Variants in TNPO2 observed in about 807,000 individuals in gnomAD.
TNPO2 encodes transportin-2.
Under a neutral mutation model 111.1 loss-of-function variants are expected in TNPO2, and 16 were observed. That is an observed-to-expected ratio of 0.14 (90% CI 0.10 to 0.22). TNPO2 has a LOEUF of 0.22. Ranked by LOEUF, TNPO2 falls within the 10% of genes least tolerant of loss-of-function variation. The probability of loss-of-function intolerance (pLI) is 1.00; values close to 1 mark genes in which losing one functional copy is unlikely to be tolerated. For missense variants in TNPO2, 530 were observed against 1,173.7 expected (o/e 0.45, Z 8.01); for synonymous variants, 481 against 475.8 (o/e 1.01, Z -0.14).
At chr19:12,722,435 G>T (rs1967043457) in intron 2 of TNPO2, 1 of 150,840 alleles carries the variant, frequency 6.6e-6, no homozygotes, top group African/African-American at 2.4e-5. Context: ...GTCGACGCAA[G>T]CCGGGGCCAA....
chr19:12,709,423 TATA>T (rs1287780034), intron 13 of TNPO2, among the ~76,000 whole-genome samples: 2 of 152,100 alleles, frequency 1.3e-5, no homozygotes, highest in African/African-American at 4.8e-5. Flanking sequence ...TATTGTGTGA[TATA>T]TACCCTATTA....
At position 12,702,116 on chromosome 19, in the gene TNPO2, G is replaced by A. The variant is rs1467456127; in HGVS notation, c.2367C>T (p.Cys789=). 1.9e-6 allele frequency: 3 copies of A among 1,613,450 alleles called. No homozygotes were observed. Among genetic ancestry groups the A allele is most frequent in the East Asian group, 4.5e-5 (2 of 44,878 alleles). The change falls in exon 22 of 26, where the codon TGC becomes TGT. Residue 789 remains cysteine (C), a synonymous_variant. Transcript: ENST00000425528. This position sits in a 1 kb window ranked among gnomAD's most constrained non-coding sequence, Gnocchi z 5.5. ...AITIGRLGYV[C]PQEVAPMLQQ... ...GCAGCATGGGTGCCACCTCCTGGGG[G>A]CACACGTAGCCCAAGCGGCCGATGG...
At chr19:12,703,608 C>T (rs753327058) in intron 19 of TNPO2, 82 bp from the exon 20 acceptor site, 1 of 1,571,932 alleles carries the variant, frequency 6.4e-7, no homozygotes, top group East Asian at 2.2e-5. Context: ...CCCCATCAGA[C>T]AGTACGAATA....
In TNPO2 at chr19:12,701,323, T is replaced by G. The variant is rs766960714; in HGVS notation, c.*20+3A>C. On this transcript the variant is annotated splice_donor_region_variant and intron_variant, in intron 25 of 25. Transcript: ENST00000425528. This position sits in a 1 kb window ranked among gnomAD's most constrained non-coding sequence, Gnocchi z 5.0. ...GCTGACTTGCCAGCTGCAGTCTCCT[T>G]ACCTGGCAGTCTCCATGATCACCTA... 1.9e-6 allele frequency: 3 copies of G among 1,593,312 alleles called. No homozygotes were observed. Among genetic ancestry groups the G allele is most frequent in the Non-Finnish European group, 2.6e-6 (3 of 1,161,946 alleles).
In TNPO2 at chr19:12,715,583, G is replaced by A. The variant is rs2145583486; in HGVS notation, c.433-45C>T. 1 of 1,613,518 alleles carries A rather than the reference G, an allele frequency of 6.2e-7. No individual in the cohort carries two copies. Among genetic ancestry groups the A allele is most frequent in the East Asian group, 2.2e-5 (1 of 44,872 alleles). Reference sequence around the variant, plus strand: ...GAGACAAACGTGGGTGGTGGGTGGTGGTCCCAGCCCCCCAGTACTCGCTCT... The same window carrying A: ...GAGACAAACGTGGGTGGTGGGTGGTAGTCCCAGCCCCCCAGTACTCGCTCT... On this transcript the variant is annotated intron_variant, in intron 6 of 25. Transcript: ENST00000425528. This position sits in a 1 kb window ranked among gnomAD's most constrained non-coding sequence, Gnocchi z 7.1.
rs1401576195 is a variant in TNPO2, at chr19:12,706,809, G to A, written c.1271-14C>T. 1.3e-6 allele frequency: 2 copies of A among 1,587,086 alleles called. No homozygotes were observed. The highest frequency in any genetic ancestry group is 2.3e-5 in the East Asian group (1 of 43,188). ...CCTGCATGCAGCCTACAAGGAAAGG[G>A]AACCAAGAGGGGGCAGTTTGATTGG... On this transcript the variant is annotated splice_polypyrimidine_tract_variant and intron_variant, in intron 13 of 25. Coordinates refer to ENST00000425528, the MANE Select transcript of TNPO2 (RefSeq NM_001382241.1). This position sits in a 1 kb window ranked among gnomAD's most constrained non-coding sequence, Gnocchi z 7.0.
chr19:12,703,240 A>G (rs2025433161), intron 20 of TNPO2, among the ~76,000 whole-genome samples, 188 bp downstream of exon 20: 1 of 152,142 alleles, frequency 6.6e-6, no homozygotes, highest in South Asian at 2.1e-4. Context: ...AAACGGTCCA[A>G]TCAGAACAGC....
At chr19:12,708,427 C>T (rs1444405398) in intron 13 of TNPO2, among the ~76,000 whole-genome samples, 2 of 148,482 alleles carry the variant, frequency 1.3e-5, no homozygotes, top group Admixed American at 1.4e-4. Context: ...CCACCACACC[C>T]AGGGTTTTTT....
Position 12,701,164 on chromosome 19 carries a change from C to T in TNPO2, c.*100G>A, listed in dbSNP as rs914798905. The T allele has an allele frequency of 5.3e-6, 3 of 565,220 alleles. No homozygotes were observed. Among genetic ancestry groups the T allele is most frequent in the African/African-American group, 3.8e-5 (2 of 53,114 alleles). 35.0% of individuals were successfully genotyped at this position (565,220 alleles called of 1,614,324 possible). On this transcript the variant is annotated 3_prime_UTR_variant, in exon 26 of 26. Coordinates refer to ENST00000425528, the MANE Select transcript of TNPO2 (RefSeq NM_001382241.1). This position sits in a 1 kb window ranked among gnomAD's most constrained non-coding sequence, Gnocchi z 5.0. The stretch of plus-strand genomic sequence containing the variant: ...TTGAGTCCCACTCACTCCTCCCTAA[C>T]CCCCCTCAACCAGGGCACAGCGACT...
chr19:12,705,168 G>C lies in TNPO2; in HGVS notation c.2022+72C>G. The C allele has an allele frequency of 6.8e-7, 1 of 1,463,080 alleles. No individual in the cohort carries two copies. The highest frequency in any genetic ancestry group is 9.3e-7 in the Non-Finnish European group (1 of 1,071,456). The allele number at this position is 1,463,080 out of a possible 1,614,324, so 90.6% of individuals were successfully genotyped here. A position where few individuals can be genotyped will look rare whatever the true frequency, so the allele number is the denominator to read the frequency against. On this transcript the variant is annotated intron_variant, in intron 18 of 25. Transcript: ENST00000425528. The surrounding 1 kb of genome is among the most constrained non-coding windows in gnomAD (Gnocchi z 7.2). Reference sequence around the variant, plus strand: ...CCCTGATTTCCTTTGGGCACAACCAGGCCCTGACTCCCCACCAGGGGCAGC... The same window carrying C: ...CCCTGATTTCCTTTGGGCACAACCACGCCCTGACTCCCCACCAGGGGCAGC...
intron 13 of TNPO2, among the ~76,000 whole-genome samples, chr19:12,707,479 CTTTTTTTTTTTTTTTTTT>C (rs56817777): frequency 1.3e-5 from 1 of 74,962 alleles, no homozygotes; most frequent in Non-Finnish European, 2.6e-5. Context: ...TGTGAGTTTT[CTTTTTTTTTTTTTTTTTT>C]TTTTTTTTTT....
chr19:12,701,050 T>G lies in TNPO2; in HGVS notation c.*214A>C. 1 of 331,714 alleles carries G rather than the reference T, an allele frequency of 3.0e-6. No homozygotes were observed. The highest frequency in any genetic ancestry group is 5.6e-6 in the Non-Finnish European group (1 of 179,464). The allele number at this position is 331,714 out of a possible 1,614,324, so 20.5% of individuals were successfully genotyped here. A position where few individuals can be genotyped will look rare whatever the true frequency, so the allele number is the denominator to read the frequency against. On this transcript the variant is annotated 3_prime_UTR_variant, in exon 26 of 26. Transcript: ENST00000425528. This position sits in a 1 kb window ranked among gnomAD's most constrained non-coding sequence, Gnocchi z 5.0. The stretch of plus-strand genomic sequence containing the variant: ...GAAGTCCCCCCCACCTCCCCGTTTG[T>G]AGGATGAGCATGGTGGCCCCACCCA...
rs1231174104 is a variant in TNPO2, at chr19:12,705,401, A to G, written c.1864-3T>C. 2 of 1,581,600 alleles carry G rather than the reference A, an allele frequency of 1.3e-6. No individual in the cohort carries two copies. The highest frequency in any genetic ancestry group is 2.7e-5 in the African/African-American group (2 of 74,188). On this transcript the variant is annotated splice_polypyrimidine_tract_variant and splice_region_variant and intron_variant, in intron 17 of 25. Transcript: ENST00000425528. This position sits in a 1 kb window ranked among gnomAD's most constrained non-coding sequence, Gnocchi z 7.2. ...TGCTCAGGGTGCTGGGTGTACATCT[A>G]GACACAGATGCCGACAGGGGCACGG... is the stretch of plus-strand genomic sequence containing the variant.
Position 12,715,457 on chromosome 19 carries a change from T to C in TNPO2, c.514A>G (p.Ile172Val). 3 of 1,613,774 alleles carry C rather than the reference T, an allele frequency of 1.9e-6. No individual in the cohort carries two copies. The South Asian group carries it at 3.3e-5, about 18-fold the overall frequency. The change falls in exon 7 of 26, where the codon ATC becomes GTC. Residue 172 changes from isoleucine to valine, a missense_variant. Physicochemically the swap from Ile to Val is conservative, Grantham distance 29 (BLOSUM62 3). Coordinates refer to ENST00000425528, the MANE Select transcript of TNPO2 (RefSeq NM_001382241.1). This position sits in a 1 kb window ranked among gnomAD's most constrained non-coding sequence, Gnocchi z 7.1. ...DSDALNRPLN[I>V]MIPKFLQFFK... ...AACTGCAGGAACTTGGGGATCATGA[T>C]GTTGAGGGGCCTGTTGAGGGCGTCA...
Position 12,705,834 on chromosome 19 carries a change from T to G in TNPO2, c.1669-66A>C, listed in dbSNP as rs1436789407. Reference sequence around the variant, plus strand: ...TGGCAGACTGTGACTCAGGTACCTGTTGCCCGAGTGATGAGGCCTGAGCGC... The same window carrying G: ...TGGCAGACTGTGACTCAGGTACCTGGTGCCCGAGTGATGAGGCCTGAGCGC... On this transcript the variant is annotated intron_variant, in intron 15 of 25. Transcript: ENST00000425528. This position sits in a 1 kb window ranked among gnomAD's most constrained non-coding sequence, Gnocchi z 7.2. The G allele has an allele frequency of 6.8e-6, 8 of 1,179,122 alleles. No homozygotes were observed. The highest frequency in any genetic ancestry group is 4.7e-5 in the African/African-American group (3 of 63,158). 73.0% of individuals were successfully genotyped at this position (1,179,122 alleles called of 1,614,324 possible).
chr19:12,719,411 A>C lies in TNPO2; in HGVS notation c.100-75T>G. On this transcript the variant is annotated intron_variant, in intron 3 of 25. Coordinates refer to ENST00000425528, the MANE Select transcript of TNPO2 (RefSeq NM_001382241.1). This position sits in a 1 kb window ranked among gnomAD's most constrained non-coding sequence, Gnocchi z 5.0. ...GTCCCCTCATTATGTACCTGACACT[A>C]TCTCTGACCACTGGGACCAGGCTGC... is the stretch of plus-strand genomic sequence containing the variant. 7.7e-7 allele frequency: 1 copy of C among 1,298,986 alleles called. No homozygotes were observed. The highest frequency in any genetic ancestry group is 2.4e-5 in the East Asian group (1 of 42,100). The allele number at this position is 1,298,986 out of a possible 1,614,324, so 80.5% of individuals were successfully genotyped here. A position where few individuals can be genotyped will look rare whatever the true frequency, so the allele number is the denominator to read the frequency against.
In TNPO2 at chr19:12,715,825, C is replaced by A; in HGVS notation, c.326-86G>T. 3 of 1,057,490 alleles carry A rather than the reference C, an allele frequency of 2.8e-6. No individual in the cohort carries two copies. The highest frequency in any genetic ancestry group is 2.6e-5 in the East Asian group (1 of 38,566). The allele number at this position is 1,057,490 out of a possible 1,614,324, so 65.5% of individuals were successfully genotyped here. A position where few individuals can be genotyped will look rare whatever the true frequency, so the allele number is the denominator to read the frequency against. On this transcript the variant is annotated intron_variant, in intron 5 of 25. Transcript: ENST00000425528. The surrounding 1 kb of genome is among the most constrained non-coding windows in gnomAD (Gnocchi z 7.1). Reference sequence around the variant, plus strand: ...CTCCCACTGGACACCCCCAGTGCTGCCTTTCTGTTCCCTAGCCCATGTACG... The same window carrying A: ...CTCCCACTGGACACCCCCAGTGCTGACTTTCTGTTCCCTAGCCCATGTACG...
chr19:12,713,837 G>C (rs1201379060), intron 10 of TNPO2, among the ~76,000 whole-genome samples: 7 of 152,144 alleles, frequency 4.6e-5, no homozygotes, highest in African/African-American at 7.2e-5. Context: ...AGACCAGCCA[G>C]AGCAACTTAG....
chr19:12,721,190 G>T lies in TNPO2; in HGVS notation c.-13-200C>A. ...CGGCCGCGCAGTCGCGGGCTCGGGA[G>T]CGCGGGAGGGGGGATGTGGAAACGG... is the stretch of plus-strand genomic sequence containing the variant. On this transcript the variant is annotated intron_variant, in intron 2 of 25. Coordinates refer to ENST00000425528, the MANE Select transcript of TNPO2 (RefSeq NM_001382241.1). This position sits in a 1 kb window ranked among gnomAD's most constrained non-coding sequence, Gnocchi z 4.9. The T allele has an allele frequency of 7.2e-7, 1 of 1,385,534 alleles. No homozygotes were observed. The allele number at this position is 1,385,534 out of a possible 1,614,324, so 85.8% of individuals were successfully genotyped here.
Sources: gnomAD v4.1 joint callset for allele counts (sites outside exome capture counted in the v4.1 genomes callset) on GRCh38, gnomAD v4.1.1 for gene constraint, Gnocchi (gnomAD v3.1) non-coding constraint, MANE v1.5 for transcripts, NCBI Gene and HGNC (gene_info 2026-07-23, HGNC 2026-07-21) for gene names.